TNR: variants seen among roughly 807,000 people sequenced by gnomAD.
TNR encodes tenascin R.
In TNR, 45 loss-of-function variants were observed where a neutral mutation model predicts 150.4. The ratio of observed to expected loss-of-function variants is 0.30; its 90% CI spans 0.24 to 0.38. The LOEUF (loss-of-function observed/expected upper bound fraction) is 0.38. Among genes scored for constraint, TNR ranks in the 10% least tolerant of loss-of-function variants. The pLI is 1.00. For synonymous variants in TNR, 687 were observed against 678.4 expected, an observed-to-expected ratio of 1.01 and a Z score of -0.20; for missense variants, 1,544 against 1,759.1, an observed-to-expected ratio of 0.88 and a Z score of 2.19.
chr1:175,337,750 A>C, intron 18 of TNR, 71 bp from the exon 19 acceptor site: 1 of 1,556,988 alleles, frequency 6.4e-7, no homozygotes, highest in South Asian at 1.2e-5. Context: ...CTTGGATCAT[A>C]GAAGGTCTTA....
intron 1 of TNR, among the ~76,000 whole-genome samples, chr1:175,661,697 C>T (rs996238714): frequency 2.0e-5 from 3 of 152,096 alleles, no homozygotes; most frequent in South Asian, 2.1e-4. Flanking sequence ...GCACATGCCT[C>T]CTCTCCCTGC....
chr1:175,331,051 TTC>T (rs1411037511), intron 20 of TNR, among the ~76,000 whole-genome samples: 1 of 106,762 alleles, frequency 9.4e-6, no homozygotes, highest in African/African-American at 3.6e-5. Flanking sequence ...CTTTCTTTCT[TTC>T]TTTCTTTCTT....
At chr1:175,438,517 A>C (rs906439002) in intron 2 of TNR, among the ~76,000 whole-genome samples, 6 of 152,296 alleles carry the variant, frequency 3.9e-5, no homozygotes, top group African/African-American at 1.4e-4. Context: ...TAGTGTTGGA[A>C]GTTCTGGCCA....
chr1:175,482,689 A>G (rs552450666), intron 2 of TNR, among the ~76,000 whole-genome samples: 1 of 152,336 alleles, frequency 6.6e-6, no homozygotes, highest in Admixed American at 6.5e-5. Context: ...ATTAATATGA[A>G]TGAATTAACT....
Position 175,633,919 on chromosome 1 carries a change from C to T in TNR, c.-164-105550G>A, listed in dbSNP as rs560850084. ...TGTGGGCTCAAGAGTCAGACAAACC[C>T]AAGTTCAGCCCAGCACTGGCAGTTA... On this transcript the variant is annotated intron_variant, in intron 1 of 22. Transcript: ENST00000367674. Among the ~76,000 whole-genome samples the T allele has an allele frequency of 2.0e-5, 3 of 152,142 alleles. No individual in the cohort carries two copies. The East Asian group carries it at 5.8e-4, about 29-fold the overall frequency.
At chr1:175,626,617 A>G (rs1664165773) in intron 1 of TNR, among the ~76,000 whole-genome samples, 4 of 152,348 alleles carry the variant, frequency 2.6e-5, no homozygotes, top group Admixed American at 2.0e-4. Flanking sequence ...AGAAATTGAA[A>G]TAAACCGTAT....
At chr1:175,736,235 T>A (rs1667764936) in intron 1 of TNR, among the ~76,000 whole-genome samples, 1 of 152,198 alleles carries the variant, frequency 6.6e-6, no homozygotes, top group Non-Finnish European at 1.5e-5. Context: ...AAGGAAGATG[T>A]GGTGGGCCGG....
At chr1:175,678,625 G>T (rs1665938471) in intron 1 of TNR, among the ~76,000 whole-genome samples, 1 of 152,218 alleles carries the variant, frequency 6.6e-6, no homozygotes, top group South Asian at 2.1e-4. Flanking sequence ...CTGTATCTGG[G>T]AGTAGGCTAG....
At chr1:175,465,746 C>A (rs939949833) in intron 2 of TNR, among the ~76,000 whole-genome samples, 2 of 130,502 alleles carry the variant, frequency 1.5e-5, no homozygotes, top group African/African-American at 5.9e-5. Flanking sequence ...TCCAGGCTAA[C>A]CTCTAGAACC....
intron 1 of TNR, among the ~76,000 whole-genome samples, chr1:175,732,866 C>T (rs1180058940): frequency 6.6e-6 from 1 of 152,212 alleles, no homozygotes; most frequent in Non-Finnish European, 1.5e-5. Context: ...ACATGAAGTA[C>T]TTAGATCATT....
intron 1 of TNR, among the ~76,000 whole-genome samples, chr1:175,732,256 G>A (rs966254093): frequency 6.6e-6 from 1 of 152,182 alleles, no homozygotes; most frequent in African/African-American, 2.4e-5. Context: ...TTTTTGTGAT[G>A]GCAGATCAGA....
At chr1:175,657,879 A>ATATATATATATATATATATATATATG (rs1257413429) in intron 1 of TNR, among the ~76,000 whole-genome samples, 5 of 121,110 alleles carry the variant, frequency 4.1e-5, no homozygotes, top group African/African-American at 1.5e-4. Context: ...ATATATATAT[A>ATATATATATATATATATATATATATG]TATATGTAAC....
rs1240454240 is a variant in TNR, at chr1:175,406,149, ACT to A, written c.499+65_499+66del. The A allele has an allele frequency of 1.9e-6, 3 of 1,543,920 alleles. No individual in the cohort carries two copies. The African/African-American group carries it at 4.1e-5, about 21-fold the overall frequency. On this transcript the variant is annotated intron_variant, in intron 3 of 22. Transcript: ENST00000367674. The stretch of plus-strand genomic sequence containing the variant: ...GGAAGTGCATTGGTCCTTCTTGTTC[ACT>A]CTCCCTCTCTGCTCAGCCCTCTCCT...
intron 1 of TNR, among the ~76,000 whole-genome samples, chr1:175,726,050 C>G (rs1019628018): frequency 6.6e-6 from 1 of 152,242 alleles, no homozygotes; most frequent in South Asian, 2.1e-4. Context: ...GTTTCCAGCA[C>G]GTCTTTCATA....
Position 175,549,616 on chromosome 1 carries a change from A to G in TNR, c.-164-21247T>C, listed in dbSNP as rs546488326. Among the ~76,000 whole-genome samples, 3 of 152,322 alleles carry G rather than the reference A, an allele frequency of 2.0e-5. No individual in the cohort carries two copies. The South Asian group carries it at 6.2e-4, about 32-fold the overall frequency. ...GTGGGCCTGTCCTAATCGCATGAGA[A>G]CTTTAAAAGCCTTACTTTTTTTCAG... On this transcript the variant is annotated intron_variant, in intron 1 of 22. Transcript: ENST00000367674.
At chr1:175,736,919 G>T (rs1183907913) in intron 1 of TNR, among the ~76,000 whole-genome samples, 1 of 152,146 alleles carries the variant, frequency 6.6e-6, no homozygotes, top group Non-Finnish European at 1.5e-5. Flanking sequence ...TCCTCAGGGG[G>T]CTGAGGTGGA....
At chr1:175,367,028 C>T (rs1199385145) in intron 10 of TNR, among the ~76,000 whole-genome samples, 180 bp downstream of exon 10, 1 of 152,204 alleles carries the variant, frequency 6.6e-6, no homozygotes, top group Non-Finnish European at 1.5e-5. Context: ...CTCTGTCCTG[C>T]CTGTCAGAGA....
chr1:175,331,045 C>CTTTCTTTCT (rs1649771040), intron 20 of TNR, among the ~76,000 whole-genome samples: 3 of 89,328 alleles, frequency 3.4e-5, no homozygotes, highest in African/African-American at 1.2e-4. Context: ...TTCTTTCTTT[C>CTTTCTTTCT]TTTCTTTCTT....
intron 1 of TNR, among the ~76,000 whole-genome samples, 197 bp downstream of exon 1, chr1:175,743,028 CG>C (rs1667973981): frequency 6.6e-6 from 1 of 151,818 alleles, no homozygotes; most frequent in Non-Finnish European, 1.5e-5. Flanking sequence ...CCCTTTAATT[CG>C]GTAAACATAG....
Sources: gnomAD v4.1 joint callset for allele counts (sites outside exome capture counted in the v4.1 genomes callset) on GRCh38, gnomAD v4.1.1 for gene constraint, MANE v1.5 for transcripts, NCBI Gene and HGNC (gene_info 2026-07-23, HGNC 2026-07-21) for gene names.